The following TMEM183A variants were observed in gnomAD, a reference collection of about 807,000 sequenced individuals.
The protein encoded by TMEM183A is chromosome 1 open reading frame 37.
TMEM183A carries 21 observed loss-of-function variants against 46.7 expected under a neutral mutation model. The ratio of observed to expected loss-of-function variants is 0.45; its 90% CI spans 0.32 to 0.65. TMEM183A has a LOEUF of 0.65. Among genes scored for constraint, TMEM183A ranks in the 30% least tolerant of loss-of-function variants. TMEM183A has a pLI of 0.04. For synonymous variants in TMEM183A, 165 were observed against 180.2 expected (o/e 0.92, Z 0.68); for missense variants, 331 against 481.9 (o/e 0.69, Z 2.93).
At chr1:203,011,563 C>T (rs146478470) in intron 3 of TMEM183A, among the ~76,000 whole-genome samples, 2,089 of 152,106 alleles carry the variant, frequency 0.014, 47 homozygotes, top group African/African-American at 0.048. Flanking sequence ...TGCACCACCA[C>T]GCACAGCTAA....
chr1:203,015,845 A>C, intron 4 of TMEM183A, 115 bp from the exon 5 acceptor site: 317 of 1,209,342 alleles, frequency 2.6e-4, no homozygotes, highest in Middle Eastern at 4.0e-4. Context: ...CAGGCTATCT[A>C]CTGGCCAGTG....
intron 5 of TMEM183A, 42 bp downstream of exon 5, chr1:203,016,182 G>A (rs1423715788): frequency 3.7e-6 from 6 of 1,612,608 alleles, no homozygotes; most frequent in Non-Finnish European, 5.1e-6. Flanking sequence ...ATGAACTCTT[G>A]TATGGTAGGC....
chr1:203,008,850 G>C, intron 3 of TMEM183A, 40 bp downstream of exon 3: 1 of 1,524,040 alleles, frequency 6.6e-7, no homozygotes, highest in Non-Finnish European at 8.8e-7. Flanking sequence ...AGACCTGCCT[G>C]TGGTGACAAA....
rs949758615 is a variant in TMEM183A, at chr1:203,007,639, G to A, written c.109+65G>A. 1.4e-5 allele frequency: 22 copies of A among 1,527,752 alleles called. No homozygotes were observed. The African/African-American group carries it at 2.3e-4, about 16-fold the overall frequency. The allele number at this position is 1,527,752 out of a possible 1,614,324, so 94.6% of individuals were successfully genotyped here. On this transcript the variant is annotated intron_variant, in intron 1 of 7. Coordinates refer to ENST00000367242, the MANE Select transcript of TMEM183A (RefSeq NM_138391.6). ...CTGGCGGCTGGGAGGGGGCTGGACCGTGCCGAGGTGAGCGCTCGCGTGCCC... is the reference window on the plus strand; with the variant it reads ...CTGGCGGCTGGGAGGGGGCTGGACCATGCCGAGGTGAGCGCTCGCGTGCCC...
At position 203,013,094 on chromosome 1, in the gene TMEM183A, C is replaced by T. The variant is rs1656826282; in HGVS notation, c.368-1795C>T. On this transcript the variant is annotated intron_variant, in intron 3 of 7. Coordinates refer to ENST00000367242, the MANE Select transcript of TMEM183A (RefSeq NM_138391.6). This position sits in a 1 kb window ranked among gnomAD's most constrained non-coding sequence, Gnocchi z 4.0. ...AGAGGTAATGTGGGAGAAAGTGGGG[C>T]CTAGACATGGTAGACTGTGTCTTGC... Among the ~76,000 whole-genome samples, 1 of 152,056 alleles carries T rather than the reference C, an allele frequency of 6.6e-6. No homozygotes were observed. The highest frequency in any genetic ancestry group is 2.4e-5 in the African/African-American group (1 of 41,390).
chr1:203,022,800 C>T, intron 7 of TMEM183A, 55 bp from the exon 8 acceptor site: 1 of 1,610,138 alleles, frequency 6.2e-7, no homozygotes, highest in South Asian at 1.1e-5. Context: ...TCAGAGTGAG[C>T]TCTTGGAAAC....
intron 5 of TMEM183A, among the ~76,000 whole-genome samples, chr1:203,017,008 C>T (rs1441876398): frequency 6.6e-6 from 1 of 152,144 alleles, no homozygotes; most frequent in Non-Finnish European, 1.5e-5. Context: ...CCTAGTTTAG[C>T]TCTAGGGTGA....
intron 3 of TMEM183A, among the ~76,000 whole-genome samples, chr1:203,012,135 A>C (rs1349686175): frequency 5.0e-5 from 5 of 100,410 alleles, no homozygotes; most frequent in Admixed American, 1.1e-4. Context: ...TTCAACCATT[A>C]CCCCCCACTC....
At chr1:203,010,628 C>T (rs1472891403) in intron 3 of TMEM183A, among the ~76,000 whole-genome samples, 1 of 152,210 alleles carries the variant, frequency 6.6e-6, no homozygotes, top group Admixed American at 6.5e-5. Context: ...GAAATCGCTA[C>T]TTATCACCAT....
At position 203,008,646 on chromosome 1, in the gene TMEM183A, A is replaced by G; in HGVS notation, c.203A>G (p.Lys68Arg). Residue 68 changes from lysine (K) to arginine (R), a missense_variant, in exon 3 of 8, where the codon AAA becomes AGA. Coordinates refer to ENST00000367242, the MANE Select transcript of TMEM183A (RefSeq NM_138391.6). ...AVANAVQQEV[K>R]SLCGLEASQV... ...TTCTCCTTTTATTTTCTTCTAGTAAAATCTCTTTGTGGCTTGGAAGCCTCT... is the reference window on the plus strand; with the variant it reads ...TTCTCCTTTTATTTTCTTCTAGTAAGATCTCTTTGTGGCTTGGAAGCCTCT... The G allele has an allele frequency of 1.3e-6, 2 of 1,537,874 alleles. No homozygotes were observed. Among genetic ancestry groups the G allele is most frequent in the Non-Finnish European group, 1.7e-6 (2 of 1,143,092 alleles).
rs1365557461 is a variant in TMEM183A, at chr1:203,024,414, G to A, written c.*1374G>A. 4 of 152,090 alleles carry A rather than the reference G, an allele frequency of 2.6e-5. No homozygotes were observed. The highest frequency in any genetic ancestry group is 4.4e-5 in the Non-Finnish European group (3 of 68,042). 9.4% of individuals were successfully genotyped at this position (152,090 alleles called of 1,614,324 possible). On this transcript the variant is annotated 3_prime_UTR_variant, in exon 8 of 8. Transcript: ENST00000367242. ...GCTGGATATTACCTGGATATTGCCA[G>A]GAGGTGGGCATTAAGACAGTATTCT...
intron 7 of TMEM183A, 129 bp downstream of exon 7, chr1:203,021,077 G>T: frequency 1.9e-6 from 2 of 1,074,232 alleles, no homozygotes. Flanking sequence ...TGTCACTCAG[G>T]CTGAAGTGCA....
rs1235786503 is a variant in TMEM183A, at chr1:203,020,842, A to G, written c.839A>G (p.Gln280Arg). 4 of 1,614,046 alleles carry G rather than the reference A, an allele frequency of 2.5e-6. No individual in the cohort carries two copies. Among genetic ancestry groups the G allele is most frequent in the South Asian group, 2.2e-5 (2 of 91,074 alleles). Reference sequence around the variant, plus strand: ...ACAGGAGGATTGCAGCCTCCCGTTCAGTACGAAGATGTTCATACCAATCCA... The same window carrying G: ...ACAGGAGGATTGCAGCCTCCCGTTCGGTACGAAGATGTTCATACCAATCCA... ...KCTGGLQPPV[Q>R]YEDVHTNPDQ... The change falls in exon 7 of 8, where the codon CAG becomes CGG. Residue 280 changes from glutamine to arginine, a missense_variant. Physicochemically the swap from Gln to Arg is conservative, Grantham distance 43. Transcript: ENST00000367242.
chr1:203,021,696 T>C (rs1657696133), intron 7 of TMEM183A, among the ~76,000 whole-genome samples: 1 of 152,180 alleles, frequency 6.6e-6, no homozygotes, highest in South Asian at 2.1e-4. Flanking sequence ...TGTGTGATAT[T>C]ATCACTGTTC....
chr1:203,015,053 G>C lies in TMEM183A; in HGVS notation c.527+5G>C. The C allele has an allele frequency of 1.2e-6, 2 of 1,604,744 alleles. No individual in the cohort carries two copies. Among genetic ancestry groups the C allele is most frequent in the Non-Finnish European group, 1.7e-6 (2 of 1,175,330 alleles). ...TTGGACCAGGTTGTACCGAAGGTGCGACCACAGAGAGCTCACTCTTTTATC... is the reference window on the plus strand; with the variant it reads ...TTGGACCAGGTTGTACCGAAGGTGCCACCACAGAGAGCTCACTCTTTTATC... On this transcript the variant is annotated splice_donor_5th_base_variant and intron_variant, in intron 4 of 7. Transcript: ENST00000367242.
Position 203,022,971 on chromosome 1 carries a change from G to T in TMEM183A, c.1062G>T (p.Leu354=). The T allele has an allele frequency of 6.2e-7, 1 of 1,608,304 alleles. No individual in the cohort carries two copies. Among genetic ancestry groups the T allele is most frequent in the Non-Finnish European group, 8.5e-7 (1 of 1,175,834 alleles). Residue 354 remains leucine (L), a synonymous_variant, in exon 8 of 8, where the codon CTG becomes CTT. Coordinates refer to ENST00000367242, the MANE Select transcript of TMEM183A (RefSeq NM_138391.6). ...LRSEQGVQVI[L]DPVHSVRLFD... ...GTGAACAGGGTGTGCAAGTCATCCT[G>T]GACCCAGTGCACAGCGTTCGGCTCT... is the stretch of plus-strand genomic sequence containing the variant.
chr1:203,021,063 ACT>A (rs1392494850), intron 7 of TMEM183A, 115 bp downstream of exon 7: 1 of 1,145,452 alleles, frequency 8.7e-7, no homozygotes, highest in East Asian at 2.7e-5. Context: ...ACGTGGTCTC[ACT>A]CTGTCACTCA....
Position 203,008,746 on chromosome 1 carries a change from T to C in TMEM183A, c.303T>C (p.Asp101=), listed in dbSNP as rs771375430. 3.7e-6 allele frequency: 6 copies of C among 1,610,398 alleles called. No homozygotes were observed. The highest frequency in any genetic ancestry group is 5.1e-6 in the Non-Finnish European group (6 of 1,178,354). The change falls in exon 3 of 8, where the codon GAT becomes GAC. Residue 101 remains aspartate, a synonymous_variant. Coordinates refer to ENST00000367242, the MANE Select transcript of TMEM183A (RefSeq NM_138391.6). ...TCATCGACAGCAGTGATGAGATGGATGCCCAGGAGGAAAGCATCCATGAGA... is the reference window on the plus strand; with the variant it reads ...TCATCGACAGCAGTGATGAGATGGACGCCCAGGAGGAAAGCATCCATGAGA... ...CDIIDSSDEM[D]AQEESIHERT...
At chr1:203,012,235 TCACACACACACACACACA>T (rs56743654) in intron 3 of TMEM183A, among the ~76,000 whole-genome samples, 31 of 80,836 alleles carry the variant, frequency 3.8e-4, no homozygotes, top group African/African-American at 1.3e-3. Flanking sequence ...CCCCACTCCA[TCACACACACACACACACA>T]CACACACACA....
Sources: gnomAD v4.1 joint callset for allele counts (sites outside exome capture counted in the v4.1 genomes callset) on GRCh38, gnomAD v4.1.1 for gene constraint, Gnocchi (gnomAD v3.1) non-coding constraint, MANE v1.5 for transcripts, NCBI Gene and HGNC (gene_info 2026-07-23, HGNC 2026-07-21) for gene names.